The following PTPRG variants were observed in gnomAD, a reference collection of about 807,000 sequenced individuals.
The protein encoded by PTPRG is receptor-type tyrosine-protein phosphatase gamma.
In PTPRG, 102 loss-of-function variants were observed where a neutral mutation model predicts 165.3. That is an observed-to-expected ratio of 0.62 (90% CI 0.53 to 0.73). The LOEUF (loss-of-function observed/expected upper bound fraction) is 0.73, where lower values mean the gene tolerates loss of function less well. Ranked by LOEUF, PTPRG falls within the 30% of genes least tolerant of loss-of-function variation. PTPRG has a pLI of 0.00. For synonymous variants in PTPRG, 675 were observed against 669.5 expected, an observed-to-expected ratio of 1.01 and a Z score of -0.13; for missense variants, 1,866 against 1,861.4, an observed-to-expected ratio of 1.00 and a Z score of -0.05.
intron 1 of PTPRG, among the ~76,000 whole-genome samples, chr3:61,597,447 C>G (rs1165271621): frequency 6.6e-6 from 1 of 152,114 alleles, no homozygotes; most frequent in Non-Finnish European, 1.5e-5. Context: ...GGAGGCCTGA[C>G]TGCATATTTG....
chr3:61,790,676 C>T (rs1263843116), intron 2 of PTPRG, among the ~76,000 whole-genome samples: 1 of 151,830 alleles, frequency 6.6e-6, no homozygotes, highest in Non-Finnish European at 1.5e-5. Context: ...AATAGCTTCA[C>T]TGAAACATTA....
chr3:62,016,235 T>G (rs939685522), intron 4 of PTPRG, among the ~76,000 whole-genome samples: 1 of 152,188 alleles, frequency 6.6e-6, no homozygotes, highest in Non-Finnish European at 1.5e-5. Flanking sequence ...TGGCATGATC[T>G]TGGCTCACTG....
At position 62,223,620 on chromosome 3, in the gene PTPRG, G is replaced by T. The variant is rs74738527; in HGVS notation, c.2288+4637G>T. Among the ~76,000 whole-genome samples, 209 of 152,262 alleles carry T rather than the reference G, an allele frequency of 1.4e-3. 1 individual carries two copies. Among genetic ancestry groups the T allele is most frequent in the African/African-American group, 4.7e-3 (197 of 41,536 alleles). On this transcript the variant is annotated intron_variant, in intron 13 of 29. Coordinates refer to ENST00000474889, the MANE Select transcript of PTPRG (RefSeq NM_002841.4). Reference sequence around the variant, plus strand: ...CATCTGCAAAATATAGTTAAGAAATGGGCCACAAGTTCACGTGAGGATTCG... The same window carrying T: ...CATCTGCAAAATATAGTTAAGAAATTGGCCACAAGTTCACGTGAGGATTCG...
At chr3:62,071,289 G>A (rs554541534) in intron 4 of PTPRG, among the ~76,000 whole-genome samples, 50 of 152,278 alleles carry the variant, frequency 3.3e-4, no homozygotes, top group African/African-American at 1.0e-3. Context: ...GAAATAAAAC[G>A]TAGAGCTTTC....
chr3:61,772,684 C>T (rs2034245249), intron 2 of PTPRG, among the ~76,000 whole-genome samples: 1 of 152,162 alleles, frequency 6.6e-6, no homozygotes, highest in African/African-American at 2.4e-5. Context: ...ATAACTGCAT[C>T]TGTTCTGCAG....
intron 12 of PTPRG, among the ~76,000 whole-genome samples, chr3:62,218,034 T>C (rs1286053519): frequency 1.3e-5 from 2 of 151,924 alleles, no homozygotes; most frequent in East Asian, 3.9e-4. Context: ...GGATCTGGGG[T>C]AGGTGATAGG....
chr3:61,840,782 GTTTTT>G (rs149041037), intron 2 of PTPRG, among the ~76,000 whole-genome samples: 3 of 120,088 alleles, frequency 2.5e-5, no homozygotes, highest in Non-Finnish European at 5.1e-5. Flanking sequence ...TTGTTTGTTT[GTTTTT>G]TTTTTTTTTT....
At chr3:61,600,311 T>C (rs899762839) in intron 1 of PTPRG, among the ~76,000 whole-genome samples, 2 of 151,956 alleles carry the variant, frequency 1.3e-5, no homozygotes, top group Non-Finnish European at 2.9e-5. Context: ...ATAGTAATTC[T>C]AATTCCCAGT....
intron 6 of PTPRG, among the ~76,000 whole-genome samples, chr3:62,142,582 A>G (rs921830702): frequency 1.3e-5 from 2 of 152,212 alleles, no homozygotes; most frequent in Non-Finnish European, 2.9e-5. Flanking sequence ...TCAAGTTCCA[A>G]GTGGCCTCAC....
chr3:62,116,643 G>GT lies in PTPRG; in HGVS notation c.616-15957dup, dbSNP rs369906443. On this transcript the variant is annotated intron_variant, in intron 5 of 29. Coordinates refer to ENST00000474889, the MANE Select transcript of PTPRG (RefSeq NM_002841.4). ...GAGGGTCTTAAGGAAGCCTTCTAGA[G>GT]TTCTGGAAATTTTTGTCTTCATCTG... Among the ~76,000 whole-genome samples the GT allele has an allele frequency of 6.8e-3, 1,029 of 152,270 alleles. 14 individuals are homozygous for GT. Among genetic ancestry groups the GT allele is most frequent in the African/African-American group, 0.024 (993 of 41,552 alleles).
chr3:61,936,805 G>C (rs2039494986), intron 2 of PTPRG, among the ~76,000 whole-genome samples: 1 of 152,182 alleles, frequency 6.6e-6, no homozygotes, highest in African/African-American at 2.4e-5. Flanking sequence ...TACCAGAAGT[G>C]ATAATGGAGG....
chr3:61,769,618 A>G (rs906023496), intron 2 of PTPRG: 1 of 152,130 alleles, frequency 6.6e-6, no homozygotes, highest in African/African-American at 2.4e-5. Flanking sequence ...CAAGAACTGA[A>G]TTTTCAGTAA....
chr3:62,231,352 C>T (rs570510110), intron 14 of PTPRG, 41 bp downstream of exon 14: 2 of 1,490,542 alleles, frequency 1.3e-6, no homozygotes, highest in African/African-American at 1.4e-5. Flanking sequence ...GTCTTGATGG[C>T]CGGGACTGGC....
intron 2 of PTPRG, among the ~76,000 whole-genome samples, chr3:61,974,838 TC>T (rs1234885182): frequency 6.6e-6 from 1 of 152,162 alleles, no homozygotes; most frequent in Non-Finnish European, 1.5e-5. Context: ...AGCTGAGAGA[TC>T]CTGTCCTTTG....
chr3:61,844,540 C>T (rs1209512301), intron 2 of PTPRG, among the ~76,000 whole-genome samples: 1 of 152,052 alleles, frequency 6.6e-6, no homozygotes, highest in Non-Finnish European at 1.5e-5. Context: ...GAGAGTCTCG[C>T]CCTGTCACTC....
intron 3 of PTPRG, among the ~76,000 whole-genome samples, chr3:61,999,912 A>G (rs540246782): frequency 6.6e-6 from 1 of 152,336 alleles, no homozygotes; most frequent in African/African-American, 2.4e-5. Flanking sequence ...TTTCTTTGAT[A>G]TAATCAAAAA....
chr3:61,599,786 A>C (rs1292069867), intron 1 of PTPRG, among the ~76,000 whole-genome samples: 1 of 151,956 alleles, frequency 6.6e-6, no homozygotes, highest in Non-Finnish European at 1.5e-5. Context: ...GAACCACCGC[A>C]CCTGGCTGAT....
At position 61,804,692 on chromosome 3, in the gene PTPRG, A is replaced by T. The variant is rs183889524; in HGVS notation, c.190+55710A>T. 2.6e-3 allele frequency among the ~76,000 whole-genome samples: 387 copies of T among 151,714 alleles called. 4 individuals are homozygous for T. The East Asian group carries it at 0.032, about 12-fold the overall frequency. ...TCTTTCTCTCTCCAAAAAAAAAAAAAAAATAAAATCTACCTTGATGTGTCA... is the reference window on the plus strand; with the variant it reads ...TCTTTCTCTCTCCAAAAAAAAAAAATAAATAAAATCTACCTTGATGTGTCA... On this transcript the variant is annotated intron_variant, in intron 2 of 29. Transcript: ENST00000474889.
chr3:62,276,785 G>T, intron 24 of PTPRG, 187 bp from the exon 25 acceptor site: 1 of 571,348 alleles, frequency 1.8e-6, no homozygotes, highest in Non-Finnish European at 3.1e-6. Flanking sequence ...TTCTGGGTAT[G>T]TGCAGCAAAA....
Sources: gnomAD v4.1 joint callset for allele counts (sites outside exome capture counted in the v4.1 genomes callset) on GRCh38, gnomAD v4.1.1 for gene constraint, MANE v1.5 for transcripts, NCBI Gene and HGNC (gene_info 2026-07-23, HGNC 2026-07-21) for gene names.